MED13L: variants seen among roughly 807,000 people sequenced by gnomAD.
The protein encoded by MED13L is mediator complex subunit 13L.
In MED13L, 7 loss-of-function variants were observed where a neutral mutation model predicts 220.9. The observed-to-expected ratio is 0.03, with a 90% CI of 0.02 to 0.06. MED13L has a LOEUF of 0.06. Among genes scored for constraint, MED13L ranks in the 10% least tolerant of loss-of-function variants. The pLI is 1.00. For missense variants in MED13L, 1,965 were observed against 2,760.5 expected, an observed-to-expected ratio of 0.71 and a Z score of 6.46; for synonymous variants, 1,011 against 1,015.2, an observed-to-expected ratio of 1.00 and a Z score of 0.08.
chr12:116,050,427 T>C (rs1401228790), intron 4 of MED13L, among the ~76,000 whole-genome samples: 1 of 152,110 alleles, frequency 6.6e-6, no homozygotes, highest in Non-Finnish European at 1.5e-5. Flanking sequence ...CTACTGAATG[T>C]GAAACTAAAA....
chr12:116,155,585 A>C (rs908331884), intron 2 of MED13L, among the ~76,000 whole-genome samples: 5 of 152,342 alleles, frequency 3.3e-5, no homozygotes, highest in South Asian at 2.1e-4. Context: ...AACGTTTACA[A>C]CACCAAAATA....
At chr12:115,985,620 T>C (rs991721780) in intron 19 of MED13L, among the ~76,000 whole-genome samples, 4 of 152,224 alleles carry the variant, frequency 2.6e-5, no homozygotes, top group African/African-American at 7.2e-5. Flanking sequence ...GCATAAGAAA[T>C]GTGGCACTTA....
rs776039984 is a variant in MED13L at position 115,997,202 on chromosome 12, G to A, written c.2598C>T (p.Pro866=). 8.7e-6 allele frequency: 14 copies of A among 1,613,790 alleles called. No homozygotes were observed. The highest frequency in any genetic ancestry group is 1.6e-4 in the Middle Eastern group (1 of 6,084). The change falls in exon 15 of 31, where the codon CCC becomes CCT. Residue 866 remains proline, a synonymous_variant. Transcript: ENST00000281928. ...PTVADLQRMF[P]TPPSLEQHPA... is the part of the protein sequence containing the mutation. ...GATGCTGTTCCAAAGATGGTGGAGT[G>A]GGAAACATCCTTTGCAAGTCTGCAA...
rs534216656 is a variant in MED13L, at chr12:116,125,581, C to T, written c.311-14069G>A. Among the ~76,000 whole-genome samples the T allele has an allele frequency of 2.6e-5, 4 of 152,284 alleles. No homozygotes were observed. The South Asian group carries it at 8.3e-4, about 32-fold the overall frequency. ...AATTACACAAGCTTAAAATTTTCATCATCTGAAATCAAACAATGAGTCTTA... is the reference window on the plus strand; with the variant it reads ...AATTACACAAGCTTAAAATTTTCATTATCTGAAATCAAACAATGAGTCTTA... On this transcript the variant is annotated intron_variant, in intron 2 of 30. Coordinates refer to ENST00000281928, the MANE Select transcript of MED13L (RefSeq NM_015335.5).
chr12:116,017,907 T>C (rs1030638049), intron 7 of MED13L, among the ~76,000 whole-genome samples: 10 of 151,892 alleles, frequency 6.6e-5, no homozygotes, highest in African/African-American at 2.4e-4. Flanking sequence ...TGAGCCATCA[T>C]GCCTGGCCTT....
chr12:116,102,431 C>A (rs960705525), intron 3 of MED13L, among the ~76,000 whole-genome samples: 3 of 152,152 alleles, frequency 2.0e-5, no homozygotes, highest in Non-Finnish European at 2.9e-5. Flanking sequence ...GGTTTCCCTA[C>A]CATAATCTCA....
At chr12:116,217,621 G>A (rs542039309) in intron 2 of MED13L, among the ~76,000 whole-genome samples, 1 of 152,298 alleles carries the variant, frequency 6.6e-6, no homozygotes, top group South Asian at 2.1e-4. Flanking sequence ...ACGAACAGAG[G>A]AGAAGTACTT....
At chr12:116,054,217 C>A (rs1461728993) in intron 4 of MED13L, among the ~76,000 whole-genome samples, 1 of 151,698 alleles carries the variant, frequency 6.6e-6, no homozygotes, top group African/African-American at 2.4e-5. Context: ...CACACAAACA[C>A]ACACACACAC....
chr12:115,981,543 T>G (rs1429372296), intron 22 of MED13L, among the ~76,000 whole-genome samples: 1 of 152,194 alleles, frequency 6.6e-6, no homozygotes, highest in Non-Finnish European at 1.5e-5. Context: ...GCATACTCAT[T>G]CACTGATGAA....
At chr12:116,241,263 C>T (rs990149223) in intron 1 of MED13L, among the ~76,000 whole-genome samples, 3 of 151,000 alleles carry the variant, frequency 2.0e-5, no homozygotes, top group Non-Finnish European at 4.4e-5. Flanking sequence ...CGAAATTGAG[C>T]CACTGCACTC....
intron 3 of MED13L, among the ~76,000 whole-genome samples, chr12:116,097,535 G>A (rs1198510493): frequency 6.6e-6 from 1 of 151,986 alleles, no homozygotes; most frequent in Non-Finnish European, 1.5e-5. Context: ...TACGTGATGA[G>A]GATCTCAGTG....
chr12:116,083,301 G>A (rs182167496), intron 4 of MED13L, among the ~76,000 whole-genome samples: 1 of 151,470 alleles, frequency 6.6e-6, no homozygotes. Flanking sequence ...CTACTCAGGA[G>A]GCTGAGGCAT....
chr12:115,984,237 C>G lies in MED13L; in HGVS notation c.4474G>C (p.Glu1492Gln). The change falls in exon 20 of 31, where the codon GAG becomes CAG. Residue 1492 changes from glutamate (E) to glutamine (Q), a missense_variant. This residue lies in a region of MED13L where 510 missense variants were observed against 620.4 expected (regional missense o/e 0.82). Transcript: ENST00000281928. The part of the protein sequence containing the change: ...EWFNQPWSGE[E>Q]NDNHSRLKLY... ...TTGAGTCTGGAATGATTGTCATTCT[C>G]CTCGCCGCTCCAAGGCTGGTTAAAC... The G allele has an allele frequency of 1.2e-6, 2 of 1,613,954 alleles. No homozygotes were observed. Among genetic ancestry groups the G allele is most frequent in the South Asian group, 2.2e-5 (2 of 91,048 alleles).
intron 2 of MED13L, among the ~76,000 whole-genome samples, chr12:116,208,012 T>C (rs1160750157): frequency 6.6e-6 from 1 of 152,212 alleles, no homozygotes; most frequent in East Asian, 1.9e-4. Context: ...AAGGAGGGTA[T>C]CAGTGACTAG....
chr12:116,246,021 A>G (rs1262048960), intron 1 of MED13L, among the ~76,000 whole-genome samples: 1 of 152,162 alleles, frequency 6.6e-6, no homozygotes, highest in Non-Finnish European at 1.5e-5. Flanking sequence ...GTTTCCATAT[A>G]ATAAAAAGAG....
chr12:116,175,495 G>T (rs1037696882), intron 2 of MED13L, among the ~76,000 whole-genome samples: 1 of 152,056 alleles, frequency 6.6e-6, no homozygotes, highest in African/African-American at 2.4e-5. Flanking sequence ...AAATTTAAAC[G>T]GCATGCTGAG....
intron 4 of MED13L, among the ~76,000 whole-genome samples, chr12:116,050,047 AT>A (rs1344258515): frequency 2.6e-5 from 4 of 152,214 alleles, no homozygotes; most frequent in African/African-American, 7.2e-5. Context: ...TTAAGCCTCA[AT>A]TTAACAACCC....
intron 13 of MED13L, among the ~76,000 whole-genome samples, 165 bp from the exon 14 acceptor site, chr12:116,003,267 A>G (rs770996195): frequency 3.3e-4 from 50 of 152,240 alleles, no homozygotes; most frequent in South Asian, 6.2e-4. Context: ...AGATGGTTAC[A>G]AGCTTATCAA....
chr12:116,052,565 T>A (rs912977423), intron 4 of MED13L, among the ~76,000 whole-genome samples: 3 of 152,232 alleles, frequency 2.0e-5, no homozygotes, highest in African/African-American at 7.2e-5. Context: ...TCCATTGTGA[T>A]CTTTGTGGGG....
Sources: gnomAD v4.1 joint callset for allele counts (sites outside exome capture counted in the v4.1 genomes callset) on GRCh38, gnomAD v4.1.1 for gene constraint, gnomAD v4.1.1 regional missense constraint, MANE v1.5 for transcripts, NCBI Gene and HGNC (gene_info 2026-07-23, HGNC 2026-07-21) for gene names.